Variants in STARD8 observed in about 807,000 individuals in gnomAD.
STARD8 encodes the protein StAR related lipid transfer domain containing 8, also known as stAR-related lipid transfer protein 8.
Under a neutral mutation model 69.4 loss-of-function variants are expected in STARD8, and 25 were observed. The ratio of observed to expected loss-of-function variants is 0.36; its 90% CI spans 0.26 to 0.50. STARD8 has a LOEUF of 0.50. Ranked by LOEUF, STARD8 falls within the 20% of genes least tolerant of loss-of-function variation. STARD8 has a pLI of 0.96. For missense variants in STARD8, 921 were observed against 932.5 expected (o/e 0.99, Z 0.16); for synonymous variants, 389 against 374.6 (o/e 1.04, Z -0.45).
intron 2 of STARD8, among the ~76,000 whole-genome samples, chrX:68,701,641 G>A (rs2079966960): frequency 8.9e-6 from 1 of 112,163 alleles, no homozygotes; most frequent in Non-Finnish European, 1.9e-5. Flanking sequence ...ATTGGGGTGG[G>A]GAGGGAGTGC....
chrX:68,663,692 T>G (rs984559751), intron 1 of STARD8, among the ~76,000 whole-genome samples: 9 of 111,360 alleles, frequency 8.1e-5, no homozygotes, highest in Non-Finnish European at 1.7e-4. Flanking sequence ...GGGGCCTGCT[T>G]TGTCCTTCTC....
chrX:68,648,588 C>T (rs2079529267), intron 1 of STARD8, among the ~76,000 whole-genome samples: 1 of 110,964 alleles, frequency 9.0e-6, no homozygotes, highest in Non-Finnish European at 1.9e-5. Context: ...TAAGGAGACC[C>T]CCATCTCCAT....
intron 1 of STARD8, among the ~76,000 whole-genome samples, chrX:68,652,336 G>A (rs1056576860): frequency 2.7e-5 from 3 of 110,897 alleles, no homozygotes; most frequent in Non-Finnish European, 5.7e-5. Context: ...CAACTCCTCA[G>A]CCCTCTACTT....
rs2080184563 is a variant in STARD8, at chrX:68,724,671, A to G, written c.*249A>G. On this transcript the variant is annotated 3_prime_UTR_variant, in exon 15 of 15. Transcript: ENST00000374599. ...TATTCTACTCTCCCGAAAAGAGAAG[A>G]GAATCGCATGAGTAGCAAGACTGCT... is the stretch of plus-strand genomic sequence containing the variant. 1 of 308,376 alleles carries G rather than the reference A, an allele frequency of 3.2e-6. No homozygotes were observed. The highest frequency in any genetic ancestry group is 5.3e-5 in the East Asian group (1 of 18,894). The allele number at this position is 308,376 out of a possible 1,213,427, so 25.4% of individuals were successfully genotyped here.
chrX:68,649,239 G>A (rs1431161764), intron 1 of STARD8, among the ~76,000 whole-genome samples: 1 of 110,835 alleles, frequency 9.0e-6, no homozygotes, highest in Non-Finnish European at 1.9e-5. Flanking sequence ...CAAAAGTGGG[G>A]GAAGGGCATT....
At chrX:68,684,177 G>A (rs747935107) in intron 2 of STARD8, among the ~76,000 whole-genome samples, 18 of 112,716 alleles carry the variant, frequency 1.6e-4, no homozygotes, top group African/African-American at 5.5e-4. Context: ...GGAGAAACTT[G>A]AAGCTGTGGA....
rs113545050 is a variant in STARD8 at position 68,711,525 on chromosome X, G to A, written c.80-1389G>A. 7.2e-3 allele frequency among the ~76,000 whole-genome samples: 810 copies of A among 111,979 alleles called. 4 individuals carry two copies. Among genetic ancestry groups the A allele is most frequent in the Middle Eastern group, 0.023 (5 of 216 alleles). On this transcript the variant is annotated intron_variant, in intron 2 of 14. Transcript: ENST00000374599. ...CCCAAAACCTGCAGGGGCTCCAGGG[G>A]CTGCAGAGCCCTCTCTTCTTTCCCT...
rs2080083795 is a variant in STARD8 at position 68,715,361 on chromosome X, G to A, written c.219G>A (p.Leu73=). ...KNHGFLDEDS[L]GALCRRLMTL... is the part of the protein sequence containing the mutation. ...ACGGTTTTCTGGACGAGGACTCTTTGGGGGCCCTGTGTAGGTAGGTGGGCT... is the reference window on the plus strand; with the variant it reads ...ACGGTTTTCTGGACGAGGACTCTTTAGGGGCCCTGTGTAGGTAGGTGGGCT... The change falls in exon 4 of 15, where the codon TTG becomes TTA. Residue 73 remains leucine (L), a synonymous_variant. Coordinates refer to ENST00000374599, the MANE Select transcript of STARD8 (RefSeq NM_001142503.3). 5.0e-6 allele frequency: 6 copies of A among 1,207,007 alleles called. No individual in the cohort carries two copies. Among genetic ancestry groups the A allele is most frequent in the Non-Finnish European group, 6.7e-6 (6 of 893,067 alleles).
At position 68,662,260 on chromosome X, in the gene STARD8, T is replaced by G. The variant is rs189484864; in HGVS notation, c.46-3239T>G. ...CCGACCTCAGGGGATCCACCCGCCT[T>G]GGACTCCCAAAGTGCTGGGAGGCCA... On this transcript the variant is annotated intron_variant, in intron 1 of 14. Transcript: ENST00000374599. 6.3e-5 allele frequency among the ~76,000 whole-genome samples: 7 copies of G among 110,808 alleles called. No individual in the cohort carries two copies. In the Admixed American group the frequency reaches 6.8e-4, roughly 11 times the overall value.
At chrX:68,722,765 C>T in intron 12 of STARD8, 119 bp downstream of exon 12, 2 of 679,193 alleles carry the variant, frequency 2.9e-6, no homozygotes, top group Non-Finnish European at 4.4e-6. Flanking sequence ...CTCGCTGTGC[C>T]TCGGCCTGGT....
intron 2 of STARD8, 95 bp from the exon 3 acceptor site, chrX:68,712,819 C>A: frequency 2.5e-6 from 2 of 791,682 alleles, no homozygotes; most frequent in Non-Finnish European, 3.7e-6. Flanking sequence ...GACATGTCTG[C>A]CTGCTGGGGT....
At chrX:68,653,210 AC>A (rs2079576929) in intron 1 of STARD8, among the ~76,000 whole-genome samples, 1 of 28,018 alleles carries the variant, frequency 3.6e-5, no homozygotes, top group Admixed American at 5.6e-4. Flanking sequence ...CACACACCAC[AC>A]CACACAACAT....
chrX:68,709,397 CT>C (rs1229302026), intron 2 of STARD8, among the ~76,000 whole-genome samples: 1 of 112,510 alleles, frequency 8.9e-6, no homozygotes, highest in Non-Finnish European at 1.9e-5. Flanking sequence ...TCCTCTTTTT[CT>C]TTGGGACCCT....
intron 2 of STARD8, among the ~76,000 whole-genome samples, chrX:68,688,624 T>C (rs753644306): frequency 0.012 from 1,281 of 111,171 alleles, 20 homozygotes; most frequent in African/African-American, 0.04. Flanking sequence ...GACAAGGAGG[T>C]AGGATCCTGA....
intron 1 of STARD8, among the ~76,000 whole-genome samples, chrX:68,659,461 C>T (rs758643299): frequency 6.3e-5 from 7 of 111,009 alleles, no homozygotes; most frequent in Non-Finnish European, 9.4e-5. Flanking sequence ...CTTCTATTCC[C>T]GCCCCTGCTC....
At position 68,724,085 on chromosome X, in the gene STARD8, G is replaced by T. The variant is rs781687342; in HGVS notation, c.3158G>T (p.Arg1053Leu). The change falls in exon 14 of 15, where the codon CGC becomes CTC. Residue 1053 changes from arginine to leucine, a missense_variant. By Grantham distance (102) the Arg-to-Leu change is moderately radical (BLOSUM62 -2). Transcript: ENST00000374599. ...CTCATGGAGCCTTGCGGCTTGGGCC[G>T]CTCTCGGCTCACACACATCTGCCGG... ...QYLMEPCGLG[R>L]SRLTHICRAD... The T allele has an allele frequency of 8.3e-7, 1 of 1,211,189 alleles. No individual in the cohort carries two copies. Among genetic ancestry groups the T allele is most frequent in the African/African-American group, 1.7e-5 (1 of 57,847 alleles).
chrX:68,720,841 A>T (rs1471258805), intron 8 of STARD8, 83 bp from the exon 9 acceptor site: 1 of 979,284 alleles, frequency 1.0e-6, no homozygotes, highest in African/African-American at 1.9e-5. Context: ...TAGGCTCCTG[A>T]CACCCAGTCT....
intron 2 of STARD8, among the ~76,000 whole-genome samples, chrX:68,673,138 A>T: frequency 8.9e-6 from 1 of 111,907 alleles, no homozygotes; most frequent in Admixed American, 9.4e-5. Flanking sequence ...TTATCAGCAC[A>T]TCTGTTGCCC....
At position 68,718,007 on chromosome X, in the gene STARD8, G is replaced by A. The variant is rs1397937799; in HGVS notation, c.1093G>A (p.Glu365Lys). The A allele has an allele frequency of 2.5e-6, 3 of 1,210,673 alleles. No individual in the cohort carries two copies. Among genetic ancestry groups the A allele is most frequent in the Non-Finnish European group, 3.4e-6 (3 of 894,941 alleles). The change falls in exon 6 of 15, where the codon GAG becomes AAG. Residue 365 changes from glutamate (E) to lysine (K), a missense_variant. By Grantham distance (56) the Glu-to-Lys change is moderately conservative. Coordinates refer to ENST00000374599, the MANE Select transcript of STARD8 (RefSeq NM_001142503.3). ...CAACTTGCCTGAGCTGTACCCAGCT[G>A]AGCCTGTAATGGTTGGGGCTGAGGC... ...YDNLPELYPA[E>K]PVMVGAEAED...
Sources: allele counts gnomAD v4.1 joint callset (sites outside exome capture counted in the v4.1 genomes callset), GRCh38; gene constraint gnomAD v4.1.1; transcripts MANE v1.5; gene names NCBI Gene and HGNC (gene_info 2026-07-23, HGNC 2026-07-21).